The following FGF12 variants were observed in gnomAD, a reference collection of about 807,000 sequenced individuals.
FGF12 encodes the protein fibroblast growth factor 12.
In FGF12, 14 loss-of-function variants were observed where a neutral mutation model predicts 23.6. The observed-to-expected ratio is 0.59, with a 90% CI of 0.39 to 0.93. FGF12 has a LOEUF of 0.93. Ranked by LOEUF, FGF12 falls within the 40% of genes least tolerant of loss-of-function variation. The pLI is 0.00. For missense variants in FGF12, 175 were observed against 217.8 expected, an observed-to-expected ratio of 0.80 and a Z score of 1.24; for synonymous variants, 62 against 77.3, an observed-to-expected ratio of 0.80 and a Z score of 1.04.
At chr3:192,240,888 G>C (rs976739468) in intron 4 of FGF12, among the ~76,000 whole-genome samples, 5 of 152,156 alleles carry the variant, frequency 3.3e-5, no homozygotes, top group Admixed American at 2.6e-4. Flanking sequence ...CTAACCTAAA[G>C]GGTAAGGAAA....
At chr3:192,314,596 G>T (rs35489736) in intron 4 of FGF12, among the ~76,000 whole-genome samples, 2 of 152,076 alleles carry the variant, frequency 1.3e-5, no homozygotes, top group South Asian at 4.1e-4. Context: ...AACCAATACC[G>T]ATAAATGTCT....
intron 2 of FGF12, among the ~76,000 whole-genome samples, chr3:192,649,708 G>A (rs868093244): frequency 2.0e-5 from 3 of 148,652 alleles, no homozygotes; most frequent in Admixed American, 6.8e-5. Context: ...GGCGTGCACC[G>A]TCACATGCCT....
intron 3 of FGF12, among the ~76,000 whole-genome samples, chr3:192,340,974 T>C (rs1717662424): frequency 6.6e-6 from 1 of 152,076 alleles, no homozygotes; most frequent in South Asian, 2.1e-4. Context: ...TACATTAAAC[T>C]AAAAAGCTTC....
At chr3:192,205,425 G>T (rs759556865) in intron 4 of FGF12, among the ~76,000 whole-genome samples, 7 of 152,162 alleles carry the variant, frequency 4.6e-5, no homozygotes, top group Non-Finnish European at 1.0e-4. Context: ...TTTGAGAGAC[G>T]CAGCGTTCCT....
chr3:192,485,410 G>A (rs1723605919), intron 2 of FGF12, among the ~76,000 whole-genome samples: 1 of 152,110 alleles, frequency 6.6e-6, no homozygotes. Flanking sequence ...TTAATGCTTC[G>A]ACAGTAAGAA....
At chr3:192,403,596 G>A (rs975015212) in intron 2 of FGF12, among the ~76,000 whole-genome samples, 1 of 150,424 alleles carries the variant, frequency 6.6e-6, no homozygotes, top group Admixed American at 6.6e-5. Context: ...TAATTAGGCT[G>A]ACTTTGTAGT....
chr3:192,154,858 G>T (rs1270085396), intron 5 of FGF12, among the ~76,000 whole-genome samples: 2 of 142,986 alleles, frequency 1.4e-5, no homozygotes, highest in Non-Finnish European at 3.1e-5. Context: ...CGAGCTTCCC[G>T]GCTGCTTTGT....
At chr3:192,187,607 C>T (rs66791522) in intron 4 of FGF12, among the ~76,000 whole-genome samples, 1 of 152,018 alleles carries the variant, frequency 6.6e-6, no homozygotes, top group Non-Finnish European at 1.5e-5. Context: ...ATTTGCCATA[C>T]TGTGAGGTAT....
intron 2 of FGF12, among the ~76,000 whole-genome samples, chr3:192,488,292 C>G (rs1723697138): frequency 6.6e-6 from 1 of 151,984 alleles, no homozygotes; most frequent in South Asian, 2.1e-4. Flanking sequence ...GGGAATATTT[C>G]CTAATATGGA....
intron 2 of FGF12, among the ~76,000 whole-genome samples, chr3:192,462,825 T>C (rs933281887): frequency 6.6e-6 from 1 of 152,142 alleles, no homozygotes; most frequent in African/African-American, 2.4e-5. Context: ...ATATTAATTA[T>C]ACAAATAACT....
chr3:192,436,832 C>T (rs4687332), intron 2 of FGF12, among the ~76,000 whole-genome samples: 83,149 of 152,000 alleles, frequency 0.55, 22,769 homozygotes, highest in African/African-American at 0.6. Flanking sequence ...GCTGACTATA[C>T]GCAAACTGCT....
chr3:192,450,750 A>G (rs186033364), intron 2 of FGF12, among the ~76,000 whole-genome samples: 1 of 152,332 alleles, frequency 6.6e-6, no homozygotes, highest in Admixed American at 6.5e-5. Context: ...TCTTTGATCA[A>G]TTTCTGATAG....
At chr3:192,643,788 G>A (rs1715892939) in intron 2 of FGF12, among the ~76,000 whole-genome samples, 1 of 152,082 alleles carries the variant, frequency 6.6e-6, no homozygotes, top group Non-Finnish European at 1.5e-5. Context: ...TATCAAATAA[G>A]GGAAACTTCT....
chr3:192,720,755 G>C (rs1256984919), intron 2 of FGF12, among the ~76,000 whole-genome samples: 1 of 152,178 alleles, frequency 6.6e-6, no homozygotes, highest in East Asian at 1.9e-4. Context: ...TCCTGATAAA[G>C]AACACATGTA....
chr3:192,601,047 T>G (rs1013815830), intron 2 of FGF12, among the ~76,000 whole-genome samples: 6 of 152,120 alleles, frequency 3.9e-5, no homozygotes, highest in Non-Finnish European at 5.9e-5. Context: ...GGAGTCAATC[T>G]AGGTGTCCAA....
In FGF12 at chr3:192,272,636, AG is replaced by A. The variant is rs560416847; in HGVS notation, c.228+62724del. ...GAGTAAAACAAAGAAGAAACTGCAA[AG>A]GGATGAGGCAGGATAACTGCGGCTC... On this transcript the variant is annotated intron_variant, in intron 4 of 5. Coordinates refer to ENST00000445105, the MANE Select transcript of FGF12 (RefSeq NM_004113.6). 5.9e-5 allele frequency among the ~76,000 whole-genome samples: 9 copies of A among 152,308 alleles called. No individual in the cohort carries two copies. In the East Asian group the frequency reaches 1.7e-3, roughly 29 times the overall value.
intron 2 of FGF12, among the ~76,000 whole-genome samples, chr3:192,445,750 C>A (rs1247805685): frequency 6.6e-6 from 1 of 152,124 alleles, no homozygotes; most frequent in Non-Finnish European, 1.5e-5. Context: ...CTCTTGGAAT[C>A]CTATGGATTC....
At chr3:192,339,628 T>C (rs752166825) in intron 3 of FGF12, among the ~76,000 whole-genome samples, 2 of 152,228 alleles carry the variant, frequency 1.3e-5, no homozygotes, top group African/African-American at 2.4e-5. Context: ...ATCTTCCCAC[T>C]TCTAAATTTG....
intron 4 of FGF12, among the ~76,000 whole-genome samples, chr3:192,284,477 G>T (rs1714331329): frequency 6.6e-6 from 1 of 151,974 alleles, no homozygotes; most frequent in Admixed American, 6.6e-5. Context: ...TTGCAATTTG[G>T]CTTCCCAATG....
Sources: allele counts gnomAD v4.1 joint callset (sites outside exome capture counted in the v4.1 genomes callset), GRCh38; gene constraint gnomAD v4.1.1; transcripts MANE v1.5; gene names NCBI Gene and HGNC (gene_info 2026-07-23, HGNC 2026-07-21).